Variants in HSD17B12 observed in about 807,000 individuals in gnomAD.
HSD17B12 encodes hydroxysteroid 17-beta dehydrogenase 12, also known as very-long-chain 3-oxoacyl-CoA reductase.
In HSD17B12, 32 loss-of-function variants were observed where a neutral mutation model predicts 39.3. That is an observed-to-expected ratio of 0.81 (90% CI 0.61 to 1.09). The LOEUF is 1.09. HSD17B12 is among the 50% of genes least tolerant of loss of function. HSD17B12 has a pLI of 0.00. For missense variants in HSD17B12, 342 were observed against 382.9 expected, an observed-to-expected ratio of 0.89 and a Z score of 0.89; for synonymous variants, 150 against 146.7, an observed-to-expected ratio of 1.02 and a Z score of -0.16.
At chr11:43,667,437 A>G in the HSD17B12 span, among the ~76,000 whole-genome samples, 150,201 of 152,332 alleles carry the variant, frequency 0.99, 74,085 homozygotes, top group Middle Eastern at 1. Flanking sequence ...ACCACACCGC[A>G]CCTAGCCTGA....
intron 3 of HSD17B12, among the ~76,000 whole-genome samples, chr11:43,771,998 T>C (rs1482486650): frequency 6.7e-6 from 1 of 148,262 alleles, no homozygotes; most frequent in Non-Finnish European, 1.5e-5. Flanking sequence ...ATTTTGGTAG[T>C]TTTTATAAGT....
In HSD17B12 at chr11:43,741,154, A is replaced by G. The variant is rs117076677; in HGVS notation, c.161-9757A>G. On this transcript the variant is annotated intron_variant, in intron 1 of 10. Transcript: ENST00000278353. ...ATCAGTGTTTTCCAAAGATCAACCA[A>G]GAGATTATCTTAGGTACCACATTGA... 3.9e-3 allele frequency among the ~76,000 whole-genome samples: 601 copies of G among 152,340 alleles called. 6 individuals are homozygous for G. In the East Asian group the frequency reaches 0.045, roughly 11 times the overall value.
chr11:43,717,385 A>G (rs1950133620), intron 1 of HSD17B12, among the ~76,000 whole-genome samples: 3 of 152,224 alleles, frequency 2.0e-5, no homozygotes, highest in Non-Finnish European at 4.4e-5. Flanking sequence ...TTTTTTAAAA[A>G]TTCAAGAATT....
At position 43,830,979 on chromosome 11, in the gene HSD17B12, A is replaced by T; in HGVS notation, c.505A>T (p.Thr169Ser). 1 of 1,607,360 alleles carries T rather than the reference A, an allele frequency of 6.2e-7. No individual in the cohort carries two copies. ...NINILSVCKM[T>S]QLVLPGMVER... ...TGTTTTGCTTTCTCTCTTGCAGATG[A>T]CACAATTGGTACTGCCTGGCATGGT... Residue 169 changes from threonine to serine, a missense_variant, in exon 7 of 11, where the codon ACA becomes TCA. Thr to Ser is a moderately conservative substitution (Grantham distance 58, BLOSUM62 1). Coordinates refer to ENST00000278353, the MANE Select transcript of HSD17B12 (RefSeq NM_016142.3).
At chr11:43,839,444 G>A (rs1951403754) in intron 8 of HSD17B12, among the ~76,000 whole-genome samples, 1 of 152,112 alleles carries the variant, frequency 6.6e-6, no homozygotes, top group Non-Finnish European at 1.5e-5. Flanking sequence ...GTCTGAGGTT[G>A]CGTCCACATT....
chr11:43,636,730 T>G, the HSD17B12 span, among the ~76,000 whole-genome samples: 1 of 152,238 alleles, frequency 6.6e-6, no homozygotes, highest in East Asian at 1.9e-4. Context: ...ATTAAATTTT[T>G]TTAATCTTCA....
the HSD17B12 span, among the ~76,000 whole-genome samples, chr11:43,649,108 G>A: frequency 6.6e-6 from 1 of 150,970 alleles, no homozygotes; most frequent in East Asian, 1.9e-4. Flanking sequence ...TAGCCAACTT[G>A]TGTCTTTTTT....
intron 4 of HSD17B12, among the ~76,000 whole-genome samples, chr11:43,809,486 T>A (rs899512666): frequency 6.6e-6 from 1 of 152,180 alleles, no homozygotes; most frequent in Non-Finnish European, 1.5e-5. Flanking sequence ...AAAATTCAGT[T>A]TATTTTGAAA....
chr11:43,596,082 G>T, the HSD17B12 span, among the ~76,000 whole-genome samples: 3 of 152,144 alleles, frequency 2.0e-5, no homozygotes, highest in East Asian at 1.9e-4. Context: ...ATAGGGGAAA[G>T]GTCTCACTAT....
intron 1 of HSD17B12, among the ~76,000 whole-genome samples, chr11:43,722,062 T>C (rs1414386060): frequency 1.3e-5 from 2 of 152,128 alleles, no homozygotes; most frequent in South Asian, 2.1e-4. Flanking sequence ...TTATTGAATA[T>C]GGGATATGGG....
intron 6 of HSD17B12, among the ~76,000 whole-genome samples, chr11:43,822,419 G>A (rs61883830): frequency 0.049 from 7,449 of 152,090 alleles, 207 homozygotes; most frequent in Non-Finnish European, 0.054. Flanking sequence ...TGCCATGTTG[G>A]TGTGCTGCAC....
At chr11:43,688,415 G>T (rs7120203) in intron 1 of HSD17B12, among the ~76,000 whole-genome samples, 135,454 of 152,092 alleles carry the variant, frequency 0.89, 60,829 homozygotes, top group East Asian at 0.98. Context: ...AGGTTATTGC[G>T]TTGTCATGGT....
chr11:43,709,438 T>C (rs765870644), intron 1 of HSD17B12, among the ~76,000 whole-genome samples: 4 of 152,248 alleles, frequency 2.6e-5, no homozygotes, highest in Non-Finnish European at 4.4e-5. Flanking sequence ...TAAGCAAGAC[T>C]ATTATGCATA....
the HSD17B12 span, among the ~76,000 whole-genome samples, chr11:43,583,873 T>A: frequency 6.6e-6 from 1 of 151,780 alleles, no homozygotes; most frequent in East Asian, 1.9e-4. Flanking sequence ...CTTCCGGGGG[T>A]GTGAGAAGTG....
At chr11:43,793,098 G>C (rs1950883405) in intron 3 of HSD17B12, among the ~76,000 whole-genome samples, 1 of 152,142 alleles carries the variant, frequency 6.6e-6, no homozygotes, top group African/African-American at 2.4e-5. Context: ...AATATATTAA[G>C]TGCCTCGTAG....
intron 1 of HSD17B12, among the ~76,000 whole-genome samples, chr11:43,714,067 G>C (rs1331456047): frequency 6.6e-6 from 1 of 152,162 alleles, no homozygotes; most frequent in African/African-American, 2.4e-5. Context: ...CTCCCATTCT[G>C]TAGGTTGCCT....
At chr11:43,567,235 A>G in the HSD17B12 span, among the ~76,000 whole-genome samples, 13 of 152,206 alleles carry the variant, frequency 8.5e-5, no homozygotes, top group Non-Finnish European at 5.9e-5. Flanking sequence ...GAATGACTGG[A>G]AAGCTAGAAC....
chr11:43,801,208 G>A (rs11037646), intron 4 of HSD17B12, among the ~76,000 whole-genome samples: 48,797 of 151,852 alleles, frequency 0.32, 9,493 homozygotes, highest in East Asian at 0.68. Context: ...AATATAACAT[G>A]AAACAAAATA....
chr11:43,619,737 A>T, the HSD17B12 span, among the ~76,000 whole-genome samples: 1 of 152,274 alleles, frequency 6.6e-6, no homozygotes, highest in South Asian at 2.1e-4. Context: ...CATGTATACT[A>T]AGAATGTCCA....
Sources: allele counts gnomAD v4.1 joint callset (sites outside exome capture counted in the v4.1 genomes callset), GRCh38; gene constraint gnomAD v4.1.1; transcripts MANE v1.5; gene names NCBI Gene and HGNC (gene_info 2026-07-23, HGNC 2026-07-21).